EDA: variants seen among roughly 807,000 people sequenced by gnomAD.
The protein encoded by EDA is ectodysplasin A.
A neutral mutation model predicts 23.6 loss-of-function variants in EDA; 2 were observed. The observed-to-expected ratio is 0.08, with a 90% CI of 0.03 to 0.27. The LOEUF (loss-of-function observed/expected upper bound fraction) is 0.27, where lower values mean the gene tolerates loss of function less well. Ranked by LOEUF, EDA falls within the 10% of genes least tolerant of loss-of-function variation. The pLI is 1.00. For missense variants in EDA, 229 were observed against 324.2 expected, an observed-to-expected ratio of 0.71 and a Z score of 2.26; for synonymous variants, 131 against 132.0, an observed-to-expected ratio of 0.99 and a Z score of 0.05.
chrX:69,927,431 G>T (rs906292546), intron 1 of EDA, among the ~76,000 whole-genome samples: 1 of 111,651 alleles, frequency 9.0e-6, no homozygotes, highest in African/African-American at 3.3e-5. Context: ...GGCTGGATAT[G>T]AAATTCTGGG....
intron 1 of EDA, among the ~76,000 whole-genome samples, chrX:69,750,491 G>A (rs140389059): frequency 0.014 from 1,527 of 110,388 alleles, 20 homozygotes; most frequent in African/African-American, 0.046. Flanking sequence ...ATACGTGTGC[G>A]TGTGTCTTTA....
chrX:69,850,627 T>C (rs2017105700), intron 1 of EDA, among the ~76,000 whole-genome samples: 1 of 112,047 alleles, frequency 8.9e-6, no homozygotes, highest in African/African-American at 3.2e-5. Context: ...CAATATATAT[T>C]CCATAGTCAT....
chrX:69,731,434 C>CTTTTTCTTTTT (rs1208911821), intron 1 of EDA, among the ~76,000 whole-genome samples: 1 of 109,637 alleles, frequency 9.1e-6, no homozygotes, highest in African/African-American at 3.3e-5. Context: ...AGCCTTTATT[C>CTTTTTCTTTTT]TTTTTCTTTT....
At chrX:69,906,322 A>G (rs1250060909) in intron 1 of EDA, among the ~76,000 whole-genome samples, 1 of 112,542 alleles carries the variant, frequency 8.9e-6, no homozygotes, top group African/African-American at 3.2e-5. Flanking sequence ...TTTGCATAAT[A>G]AGGGCCACCT....
chrX:69,662,893 A>G (rs1163907341), intron 1 of EDA, among the ~76,000 whole-genome samples: 1 of 111,782 alleles, frequency 8.9e-6, no homozygotes, highest in Non-Finnish European at 1.9e-5. Context: ...CCCCTGCCCT[A>G]GAGATGTGTG....
chrX:69,930,747 C>T (rs769667335), intron 1 of EDA, among the ~76,000 whole-genome samples: 15 of 111,151 alleles, frequency 1.3e-4, no homozygotes, highest in African/African-American at 3.3e-4. Flanking sequence ...TATACACAGA[C>T]GACATGATTA....
At chrX:69,648,664 A>G (rs1932999405) in intron 1 of EDA, among the ~76,000 whole-genome samples, 1 of 111,977 alleles carries the variant, frequency 8.9e-6, no homozygotes, top group Non-Finnish European at 1.9e-5. Flanking sequence ...TTGAATTCCA[A>G]GCCAGTGCAT....
chrX:69,715,659 C>A (rs1467835594), intron 1 of EDA, among the ~76,000 whole-genome samples: 1 of 111,809 alleles, frequency 8.9e-6, no homozygotes, highest in African/African-American at 3.2e-5. Flanking sequence ...AATTGCCACA[C>A]TGTTTTTCAC....
chrX:69,634,599 A>T (rs1403344681), intron 1 of EDA, among the ~76,000 whole-genome samples: 7 of 111,098 alleles, frequency 6.3e-5, no homozygotes, highest in African/African-American at 2.3e-4. Flanking sequence ...GATTACAGAC[A>T]TGAGCTACCA....
At chrX:69,919,996 A>T (rs1464539682) in intron 1 of EDA, among the ~76,000 whole-genome samples, 1 of 110,929 alleles carries the variant, frequency 9.0e-6, no homozygotes, top group Non-Finnish European at 1.9e-5. Flanking sequence ...AAGATTTTGC[A>T]TGTCACTGCA....
intron 2 of EDA, among the ~76,000 whole-genome samples, chrX:70,011,612 C>T (rs766733611): frequency 3.6e-5 from 4 of 110,828 alleles, no homozygotes; most frequent in Non-Finnish European, 5.7e-5. Flanking sequence ...TTTATTTTAC[C>T]GTCATTTATT....
chrX:69,709,906 A>G (rs1186280309), intron 1 of EDA, among the ~76,000 whole-genome samples: 1 of 111,617 alleles, frequency 9.0e-6, no homozygotes, highest in Non-Finnish European at 1.9e-5. Context: ...GCCCTTTGTC[A>G]GATGAGTAGA....
chrX:69,644,218 T>C (rs759823594), intron 1 of EDA, among the ~76,000 whole-genome samples: 1 of 111,463 alleles, frequency 9.0e-6, no homozygotes, highest in East Asian at 2.8e-4. Flanking sequence ...TTTCAAGATA[T>C]TGATTCTTCC....
intron 1 of EDA, among the ~76,000 whole-genome samples, chrX:69,841,705 C>G (rs368570439): frequency 9.0e-6 from 1 of 111,610 alleles, no homozygotes; most frequent in East Asian, 2.8e-4. Flanking sequence ...CCATTGAGAG[C>G]TGAATAAATA....
intron 2 of EDA, among the ~76,000 whole-genome samples, chrX:70,008,169 T>G (rs1295530358): frequency 2.7e-5 from 3 of 112,205 alleles, no homozygotes; most frequent in Admixed American, 1.9e-4. Flanking sequence ...GAGTGGTGAA[T>G]GGGAACATCC....
intron 2 of EDA, among the ~76,000 whole-genome samples, chrX:69,989,666 A>G (rs1569395313): frequency 8.9e-6 from 1 of 111,751 alleles, no homozygotes. Flanking sequence ...GCAAAGAAAT[A>G]GAAGTTATAA....
chrX:70,020,207 A>G (rs1449572644), intron 2 of EDA, among the ~76,000 whole-genome samples: 1 of 111,832 alleles, frequency 8.9e-6, no homozygotes, highest in Non-Finnish European at 1.9e-5. Flanking sequence ...CCTTTGACCC[A>G]ACAGTGTCAT....
intron 1 of EDA, among the ~76,000 whole-genome samples, chrX:69,952,068 T>C (rs1238879347): frequency 8.9e-6 from 1 of 112,102 alleles, no homozygotes; most frequent in Non-Finnish European, 1.9e-5. Flanking sequence ...GCCACTGATT[T>C]TTGTCTTTAC....
chrX:69,987,428 C>G (rs1211672684), intron 2 of EDA, among the ~76,000 whole-genome samples: 1 of 109,057 alleles, frequency 9.2e-6, no homozygotes, highest in Non-Finnish European at 1.9e-5. Context: ...GGGTATAACA[C>G]AACAAACAAA....
Sources: allele counts gnomAD v4.1 joint callset (sites outside exome capture counted in the v4.1 genomes callset), GRCh38; gene constraint gnomAD v4.1.1; transcripts MANE v1.5; gene names NCBI Gene and HGNC (gene_info 2026-07-23, HGNC 2026-07-21).